Variants in MLXIPL observed in about 807,000 individuals in gnomAD.
MLXIPL encodes MLX interacting protein like.
MLXIPL carries 49 observed loss-of-function variants against 81.5 expected under a neutral mutation model. That is an observed-to-expected ratio of 0.60 (90% CI 0.48 to 0.76). The LOEUF (loss-of-function observed/expected upper bound fraction) is 0.76. Ranked by LOEUF, MLXIPL falls within the 30% of genes least tolerant of loss-of-function variation. The pLI is 0.00. For synonymous variants in MLXIPL, 466 were observed against 485.5 expected, an observed-to-expected ratio of 0.96 and a Z score of 0.53; for missense variants, 1,053 against 1,167.0, an observed-to-expected ratio of 0.90 and a Z score of 1.42.
chr7:73,620,739 C>G (rs9769603), intron 1 of MLXIPL, among the ~76,000 whole-genome samples: 17,367 of 149,380 alleles, frequency 0.12, 1,326 homozygotes, highest in African/African-American at 0.22. Flanking sequence ...GAGACTCCGT[C>G]TCAGAAAAAA....
At chr7:73,639,225 C>T in the MLXIPL span, among the ~76,000 whole-genome samples, 1 of 152,084 alleles carries the variant, frequency 6.6e-6, no homozygotes, top group Non-Finnish European at 1.5e-5. Context: ...GGCCAATAGG[C>T]CATTTTCCTA....
At chr7:73,627,846 C>G (rs1485091911), upstream of MLXIPL, among the ~76,000 whole-genome samples, 1 of 152,080 alleles carries the variant, frequency 6.6e-6, no homozygotes, top group East Asian at 1.9e-4. Context: ...GACCCTGGCT[C>G]AGGTGAAGAC....
the MLXIPL span, among the ~76,000 whole-genome samples, chr7:73,636,903 T>C: frequency 4.0e-5 from 6 of 151,044 alleles, no homozygotes; most frequent in African/African-American, 1.5e-4. Flanking sequence ...CTACTAAAAA[T>C]ACAAAAGTTA....
chr7:73,607,725 A>T lies in MLXIPL; in HGVS notation c.401-53T>A, dbSNP rs1795415491. ...ACCCAGCTTCCTCATCCCCCACCTC[A>T]CCCCAGGGGACTGGGACTCAAGTGA... is the stretch of plus-strand genomic sequence containing the variant. On this transcript the variant is annotated intron_variant, in intron 2 of 16. Transcript: ENST00000313375. The T allele has an allele frequency of 4.0e-6, 6 of 1,509,102 alleles. No individual in the cohort carries two copies. The East Asian group carries it at 1.4e-4, about 34-fold the overall frequency. The allele number at this position is 1,509,102 out of a possible 1,614,324, so 93.5% of individuals were successfully genotyped here.
chr7:73,605,166 T>C (rs1318181739), intron 7 of MLXIPL, among the ~76,000 whole-genome samples: 1 of 152,238 alleles, frequency 6.6e-6, no homozygotes, highest in Admixed American at 6.6e-5. Flanking sequence ...ACTGCTTTCT[T>C]GGGAGCCCCT....
the MLXIPL span, among the ~76,000 whole-genome samples, chr7:73,631,589 G>GTTTTT: frequency 1.4e-5 from 1 of 71,894 alleles, no homozygotes; most frequent in Non-Finnish European, 2.9e-5. Flanking sequence ...TTTTTTTTAG[G>GTTTTT]TAGAGATGGG....
the MLXIPL span, among the ~76,000 whole-genome samples, chr7:73,638,979 GAAAAAAAATAGTAGAGAGGAGA>G: frequency 1.4e-4 from 21 of 151,652 alleles, no homozygotes; most frequent in African/African-American, 3.6e-4. Flanking sequence ...GTAGAGAGGA[GAAAAAAAATAGTAGAGAGGAGA>G]AAAAAAAATA....
intron 8 of MLXIPL, among the ~76,000 whole-genome samples, chr7:73,598,999 C>T (rs753184139): frequency 6.7e-6 from 1 of 149,236 alleles, no homozygotes. Flanking sequence ...ACACGGGAGG[C>T]GGAGGTTACA....
rs782225110 is a variant in MLXIPL at position 73,596,761 on chromosome 7, G to A, written c.1700C>T (p.Thr567Ile). The change falls in exon 11 of 17, where the codon ACA (threonine) becomes ATA (isoleucine). Residue 567 changes from threonine to isoleucine, a missense_variant. Transcript: ENST00000313375. This position sits in a 1 kb window ranked among gnomAD's most constrained non-coding sequence, Gnocchi z 4.7. ...AGGGGCCGGGGTCGGGGGAAGGAAT[G>A]TGCAGGGGAATTCAGGGACTGTCTC... ...PQETVPEFPC[T>I]FLPPTPAPTP... 2.9e-5 allele frequency: 47 copies of A among 1,602,562 alleles called. No homozygotes were observed. Among genetic ancestry groups the A allele is most frequent in the Non-Finnish European group, 2.7e-5 (32 of 1,175,796 alleles).
Position 73,596,666 on chromosome 7 carries a change from C to A in MLXIPL, c.1795G>T (p.Glu599Ter). ...CTGGGCGCTGGGGGTGAGAGCCGCTCCGCTTTGGGGACAAGCAGGGGCCTG... is the reference window on the plus strand; with the variant it reads ...CTGGGCGCTGGGGGTGAGAGCCGCTACGCTTTGGGGACAAGCAGGGGCCTG... ...PSRPLLVPKA[E>*]RLSPPAPSGS... Residue 599 changes from glutamate to a stop codon, truncating the protein, a stop_gained, in exon 11 of 17, where the codon GAG (glutamate) becomes TAG (stop). Coordinates refer to ENST00000313375, the MANE Select transcript of MLXIPL (RefSeq NM_032951.3). LOFTEE classifies it high-confidence loss of function. The surrounding 1 kb of genome is among the most constrained non-coding windows in gnomAD (Gnocchi z 4.7). 6.3e-7 allele frequency: 1 copy of A among 1,590,646 alleles called. No homozygotes were observed.
Position 73,605,677 on chromosome 7 carries a change from G to T in MLXIPL, c.901+11C>A. 4 of 1,613,064 alleles carry T rather than the reference G, an allele frequency of 2.5e-6. No homozygotes were observed. The highest frequency in any genetic ancestry group is 2.5e-6 in the Non-Finnish European group (3 of 1,179,786). On this transcript the variant is annotated intron_variant, in intron 7 of 16. Transcript: ENST00000313375. ...GCCCGTCCACCCGACCTGGGGAGGG[G>T]CTCGCCCCACCTGAGATGTCCATGA...
chr7:73,604,728 T>C (rs1795148602), intron 7 of MLXIPL, among the ~76,000 whole-genome samples: 1 of 152,160 alleles, frequency 6.6e-6, no homozygotes, highest in Non-Finnish European at 1.5e-5. Flanking sequence ...TACTAGTGTG[T>C]GCATGTTTGA....
In MLXIPL at chr7:73,596,805, G is replaced by C; in HGVS notation, c.1672-16C>G. 1 of 1,607,716 alleles carries C rather than the reference G, an allele frequency of 6.2e-7. No individual in the cohort carries two copies. Among genetic ancestry groups the C allele is most frequent in the South Asian group, 1.1e-5 (1 of 89,882 alleles). On this transcript the variant is annotated splice_polypyrimidine_tract_variant and intron_variant, in intron 10 of 16. Transcript: ENST00000313375. This position sits in a 1 kb window ranked among gnomAD's most constrained non-coding sequence, Gnocchi z 4.7. ...CTGTCTCCTGCTGGGGTGGAGAAGGGCGGAGAGTCGGGTTGAAGGCCGTGG... is the reference window on the plus strand; with the variant it reads ...CTGTCTCCTGCTGGGGTGGAGAAGGCCGGAGAGTCGGGTTGAAGGCCGTGG...
the MLXIPL span, among the ~76,000 whole-genome samples, chr7:73,647,042 G>A: frequency 2.6e-5 from 4 of 152,270 alleles, no homozygotes; most frequent in East Asian, 1.9e-4. Flanking sequence ...CCCATGTCAC[G>A]GAGGGAGAGC....
At chr7:73,643,497 G>C in the MLXIPL span, among the ~76,000 whole-genome samples, 1 of 149,318 alleles carries the variant, frequency 6.7e-6, no homozygotes, top group African/African-American at 2.5e-5. Flanking sequence ...CTGGGCGACA[G>C]AGCGAGACTC....
chr7:73,640,975 C>G, the MLXIPL span, among the ~76,000 whole-genome samples: 33 of 151,932 alleles, frequency 2.2e-4, 1 homozygote, highest in Non-Finnish European at 1.3e-4. Flanking sequence ...CCTAGCTTGT[C>G]TGCCACTCAC....
In MLXIPL at chr7:73,596,748, C is replaced by T. The variant is rs1554594177; in HGVS notation, c.1713G>A (p.Pro571=). 4 of 1,596,786 alleles carry T rather than the reference C, an allele frequency of 2.5e-6. No individual in the cohort carries two copies. Among genetic ancestry groups the T allele is most frequent in the Non-Finnish European group, 3.4e-6 (4 of 1,173,136 alleles). Residue 571 remains proline (P), a synonymous_variant, in exon 11 of 17, where the codon CCG becomes CCA. Coordinates refer to ENST00000313375, the MANE Select transcript of MLXIPL (RefSeq NM_032951.3). This position sits in a 1 kb window ranked among gnomAD's most constrained non-coding sequence, Gnocchi z 4.7. ...VPEFPCTFLP[P]TPAPTPPRPP... is the part of the protein sequence containing the mutation. ...GCCGGGGCGGTGTAGGGGCCGGGGT[C>T]GGGGGAAGGAATGTGCAGGGGAATT... is the stretch of plus-strand genomic sequence containing the variant.
chr7:73,598,501 C>T (rs1184572510), intron 8 of MLXIPL, among the ~76,000 whole-genome samples: 1 of 152,088 alleles, frequency 6.6e-6, no homozygotes, highest in Admixed American at 6.6e-5. Context: ...ACTCACCTAC[C>T]CATATATCCA....
At chr7:73,622,996 A>G (rs1554602625) in intron 1 of MLXIPL, among the ~76,000 whole-genome samples, 1 of 151,972 alleles carries the variant, frequency 6.6e-6, no homozygotes, top group Non-Finnish European at 1.5e-5. Context: ...ACATTTGGGG[A>G]GGGAGGGAGA....
Sources: allele counts gnomAD v4.1 joint callset (sites outside exome capture counted in the v4.1 genomes callset), GRCh38; gene constraint gnomAD v4.1.1; non-coding constraint Gnocchi (gnomAD v3.1); transcripts MANE v1.5; gene names NCBI Gene and HGNC (gene_info 2026-07-23, HGNC 2026-07-21).